Variants in GRID2 observed in about 807,000 individuals in gnomAD.
GRID2 encodes glutamate receptor ionotropic, delta-2.
A neutral mutation model predicts 114.8 loss-of-function variants in GRID2; 33 were observed. The ratio of observed to expected loss-of-function variants is 0.29; its 90% CI spans 0.22 to 0.38. GRID2 has a LOEUF of 0.38. Among genes scored for constraint, GRID2 ranks in the 10% least tolerant of loss-of-function variants. The probability of loss-of-function intolerance (pLI) is 1.00; values close to 1 mark genes in which losing one functional copy is unlikely to be tolerated. For missense variants in GRID2, 1,184 were observed against 1,257.7 expected, an observed-to-expected ratio of 0.94 and a Z score of 0.89; for synonymous variants, 505 against 449.9, an observed-to-expected ratio of 1.12 and a Z score of -1.55.
intron 2 of GRID2, among the ~76,000 whole-genome samples, chr4:92,713,743 T>C (rs1475484692): frequency 6.6e-6 from 1 of 151,722 alleles, no homozygotes; most frequent in Non-Finnish European, 1.5e-5. Flanking sequence ...TCCCCTTTTA[T>C]AAAACCATCA....
intron 14 of GRID2, among the ~76,000 whole-genome samples, chr4:93,732,993 G>T (rs553932713): frequency 1.3e-5 from 2 of 151,978 alleles, no homozygotes; most frequent in Non-Finnish European, 2.9e-5. Context: ...CACTAAAGTA[G>T]GAAATGATAC....
At chr4:92,874,008 C>T (rs946836609) in intron 2 of GRID2, among the ~76,000 whole-genome samples, 1 of 152,122 alleles carries the variant, frequency 6.6e-6, no homozygotes, top group African/African-American at 2.4e-5. Context: ...GCCACTGCGC[C>T]CGGCCTCCTC....
chr4:93,302,846 T>A (rs1755019384), intron 8 of GRID2, among the ~76,000 whole-genome samples: 2 of 152,226 alleles, frequency 1.3e-5, no homozygotes. Context: ...CATGTTTCTG[T>A]AGAGCCTGGG....
At chr4:92,510,631 A>T (rs1206058985) in intron 1 of GRID2, among the ~76,000 whole-genome samples, 1 of 151,778 alleles carries the variant, frequency 6.6e-6, no homozygotes, top group East Asian at 1.9e-4. Flanking sequence ...GATACGAAGA[A>T]TACACTCTAG....
At chr4:93,661,552 G>C (rs532623783) in intron 14 of GRID2, among the ~76,000 whole-genome samples, 59 of 152,068 alleles carry the variant, frequency 3.9e-4, no homozygotes, top group Non-Finnish European at 7.2e-4. Flanking sequence ...TAATGTTTGT[G>C]CATCCACAAT....
At chr4:93,066,420 C>T (rs1004191143) in intron 2 of GRID2, among the ~76,000 whole-genome samples, 2 of 151,934 alleles carry the variant, frequency 1.3e-5, no homozygotes, top group Middle Eastern at 6.3e-3. Flanking sequence ...CAGCAGTTCT[C>T]TCTGCCTGAC....
chr4:92,710,585 A>G (rs182319747), intron 2 of GRID2, among the ~76,000 whole-genome samples: 1 of 152,292 alleles, frequency 6.6e-6, no homozygotes, highest in East Asian at 1.9e-4. Context: ...TCCCTGGGCT[A>G]CTGTACTTCT....
chr4:93,689,957 C>T (rs1422974548), intron 14 of GRID2, among the ~76,000 whole-genome samples: 1 of 151,926 alleles, frequency 6.6e-6, no homozygotes, highest in East Asian at 1.9e-4. Flanking sequence ...CATCTAATAT[C>T]CTATCACCCA....
chr4:93,652,784 TAAAAAAAAAA>T lies in GRID2; in HGVS notation c.2360+26368_2360+26377del, dbSNP rs200098114. Among the ~76,000 whole-genome samples, 120 of 86,388 alleles carry T rather than the reference TAAAAAAAAAA, an allele frequency of 1.4e-3. 1 individual carries two copies. The Middle Eastern group carries it at 0.016, about 11-fold the overall frequency. The allele number at this position is 86,388 out of a possible 152,430, so 56.7% of individuals were successfully genotyped here. A position where few individuals can be genotyped will look rare whatever the true frequency, so the allele number is the denominator to read the frequency against. On this transcript the variant is annotated intron_variant, in intron 14 of 15. Coordinates refer to ENST00000282020, the MANE Select transcript of GRID2 (RefSeq NM_001510.4). ...GAATGACAGTAAATGCAGTAAATGC[TAAAAAAAAAA>T]AAAAAAAAAAAAAAAAAATGAACTG... is the stretch of plus-strand genomic sequence containing the variant.
intron 7 of GRID2, among the ~76,000 whole-genome samples, chr4:93,234,668 G>C (rs1025861068): frequency 7.5e-5 from 9 of 120,752 alleles, no homozygotes; most frequent in Non-Finnish European, 1.6e-4. Context: ...TTTGCATCTT[G>C]TATCTTAGTT....
chr4:93,614,284 C>T (rs972779945), intron 13 of GRID2, among the ~76,000 whole-genome samples: 9 of 152,172 alleles, frequency 5.9e-5, no homozygotes, highest in Admixed American at 1.3e-4. Flanking sequence ...GCGTCGCTCA[C>T]GCTGGGAGCT....
intron 2 of GRID2, among the ~76,000 whole-genome samples, chr4:92,692,824 ACCAGC>A: frequency 1.3e-5 from 2 of 152,212 alleles, no homozygotes; most frequent in East Asian, 3.9e-4. Flanking sequence ...GGAGTTCCAG[ACCAGC>A]CTGGCCAACA....
intron 2 of GRID2, among the ~76,000 whole-genome samples, chr4:92,699,459 C>T (rs1300668645): frequency 6.6e-6 from 1 of 152,088 alleles, no homozygotes; most frequent in African/African-American, 2.4e-5. Context: ...GTCTCTACTG[C>T]TCAGATGTGA....
At chr4:92,883,119 C>A (rs1469477724) in intron 2 of GRID2, among the ~76,000 whole-genome samples, 1 of 152,174 alleles carries the variant, frequency 6.6e-6, no homozygotes, top group Non-Finnish European at 1.5e-5. Flanking sequence ...TCCATCACTG[C>A]CTTATCAACT....
chr4:93,522,696 G>A (rs868193378), intron 13 of GRID2, among the ~76,000 whole-genome samples: 7 of 152,114 alleles, frequency 4.6e-5, no homozygotes, highest in South Asian at 4.1e-4. Flanking sequence ...GATGGGACTG[G>A]AATTCTTGGA....
At chr4:93,254,050 G>A (rs993001342) in intron 8 of GRID2, among the ~76,000 whole-genome samples, 6 of 152,012 alleles carry the variant, frequency 3.9e-5, no homozygotes, top group Non-Finnish European at 5.9e-5. Flanking sequence ...AAGTTATATA[G>A]AAAGCTGAGT....
chr4:93,004,271 C>G (rs146334374), intron 2 of GRID2, among the ~76,000 whole-genome samples: 2 of 151,706 alleles, frequency 1.3e-5, no homozygotes, highest in East Asian at 3.9e-4. Flanking sequence ...ACCATTATCT[C>G]AAGTGGGTCC....
intron 2 of GRID2, among the ~76,000 whole-genome samples, chr4:92,794,903 T>TACACAC (rs1262318589): frequency 8.2e-5 from 11 of 134,206 alleles, no homozygotes; most frequent in Non-Finnish European, 1.3e-4. Context: ...TATATATATA[T>TACACAC]ATACACACAC....
intron 1 of GRID2, among the ~76,000 whole-genome samples, 197 bp downstream of exon 1, chr4:92,304,941 T>A (rs1043289677): frequency 3.8e-4 from 58 of 152,132 alleles, no homozygotes; most frequent in African/African-American, 1.4e-3. Flanking sequence ...GACTGACTTG[T>A]GCTGTTGTTT....
Sources: allele counts gnomAD v4.1 joint callset (sites outside exome capture counted in the v4.1 genomes callset), GRCh38; gene constraint gnomAD v4.1.1; transcripts MANE v1.5; gene names NCBI Gene and HGNC (gene_info 2026-07-23, HGNC 2026-07-21).